XDH: variants seen among roughly 807,000 people sequenced by gnomAD.
The protein encoded by XDH is xanthine dehydrogenase.
XDH carries 138 observed loss-of-function variants against 156.1 expected under a neutral mutation model. The observed-to-expected ratio is 0.88, with a 90% CI of 0.77 to 1.02. The LOEUF (loss-of-function observed/expected upper bound fraction) is 1.02. Ranked by LOEUF, XDH falls within the 50% of genes least tolerant of loss-of-function variation. The pLI, the probability that XDH is intolerant of heterozygous loss-of-function variation, is 0.00. For synonymous variants in XDH, 669 were observed against 625.7 expected (o/e 1.07, Z -1.03); for missense variants, 1,849 against 1,684.9 (o/e 1.10, Z -1.71).
intron 24 of XDH, among the ~76,000 whole-genome samples, chr2:31,358,427 A>T (rs1685682966): frequency 6.6e-5 from 10 of 152,188 alleles, no homozygotes; most frequent in Admixed American, 6.5e-4. Context: ...TGTTATCCTG[A>T]CACCAAACCC....
At chr2:31,376,999 T>C (rs975910186) in intron 14 of XDH, 54 bp downstream of exon 14, 6 of 1,604,042 alleles carry the variant, frequency 3.7e-6, no homozygotes, top group African/African-American at 1.3e-5. Flanking sequence ...GTAACAATGA[T>C]ACTATTAGTA....
At chr2:31,354,531 G>C (rs1315171166) in intron 24 of XDH, among the ~76,000 whole-genome samples, 1 of 152,124 alleles carries the variant, frequency 6.6e-6, no homozygotes, top group Non-Finnish European at 1.5e-5. Context: ...GAACACACTT[G>C]ACAGAAATAA....
chr2:31,345,960 C>T (rs750037460), intron 30 of XDH, among the ~76,000 whole-genome samples: 12 of 152,130 alleles, frequency 7.9e-5, no homozygotes, highest in South Asian at 4.1e-4. Context: ...TATTGGTACA[C>T]GTGGTATGGA....
rs764285598 is a variant in XDH, at chr2:31,379,907, TCCGG to T, written c.1198_1201del (p.Pro400ArgfsTer7). On this transcript the variant is annotated frameshift_variant, in exon 13 of 36. Transcript: ENST00000379416. LOFTEE classifies it high-confidence loss of function. Reference sequence around the variant, plus strand: ...GATCTCTATGGAGAGCAGTATCTCCTCCGGGCTCAGCAGGGTCTTTCTGTAGCCA... The same window carrying T: ...GATCTCTATGGAGAGCAGTATCTCCTGCTCAGCAGGGTCTTTCTGTAGCCA... 1 of 1,614,180 alleles carries T rather than the reference TCCGG, an allele frequency of 6.2e-7. No homozygotes were observed.
chr2:31,376,455 CAGT>C (rs45582035), intron 14 of XDH, among the ~76,000 whole-genome samples: 2,433 of 148,930 alleles, frequency 0.016, 35 homozygotes, highest in Middle Eastern at 0.043. Flanking sequence ...GTAGCAGTAA[CAGT>C]AGTAGTAGTA....
At chr2:31,375,015 C>CT (rs1157014066) in intron 15 of XDH, among the ~76,000 whole-genome samples, 6 of 111,656 alleles carry the variant, frequency 5.4e-5, no homozygotes, top group African/African-American at 2.4e-4. Flanking sequence ...TTCTTTCTTT[C>CT]TTTCTTTCTT....
At chr2:31,385,057 T>A (rs1352573871) in intron 9 of XDH, among the ~76,000 whole-genome samples, 8 of 152,190 alleles carry the variant, frequency 5.3e-5, no homozygotes. Flanking sequence ...GGATGGCTCA[T>A]GGCAGGGAGC....
In XDH at chr2:31,373,994, T is replaced by C. The variant is rs772458401; in HGVS notation, c.1603-38A>G. On this transcript the variant is annotated intron_variant, in intron 15 of 35. Coordinates refer to ENST00000379416, the MANE Select transcript of XDH (RefSeq NM_000379.4). Reference sequence around the variant, plus strand: ...GAAAACAGAGGTGACCAGGATTATATTTCAATCACTGATTCCTTCCTTGCT... The same window carrying C: ...GAAAACAGAGGTGACCAGGATTATACTTCAATCACTGATTCCTTCCTTGCT... 3.8e-6 allele frequency: 6 copies of C among 1,585,456 alleles called. No homozygotes were observed. The South Asian group carries it at 6.7e-5, about 18-fold the overall frequency.
chr2:31,349,689 T>C lies in XDH; in HGVS notation c.2966A>G (p.Asn989Ser), dbSNP rs1327090912. ...GACTTCTACTCCTAGTGCTTACTTG[T>C]TGAACTTGTCAACCTCACTCTTCCG... is the stretch of plus-strand genomic sequence containing the variant. ...HARKSEVDKFNKENCWKKRGL... is the reference protein window; with the variant it reads ...HARKSEVDKFSKENCWKKRGL... Residue 989 changes from asparagine to serine, a missense_variant, in exon 26 of 36, where the codon AAC (asparagine) becomes AGC (serine). Physicochemically the swap from Asn to Ser is conservative, Grantham distance 46. Transcript: ENST00000379416. 2 of 1,614,052 alleles carry C rather than the reference T, an allele frequency of 1.2e-6. No individual in the cohort carries two copies. The highest frequency in any genetic ancestry group is 8.5e-7 in the Non-Finnish European group (1 of 1,180,038).
intron 19 of XDH, 95 bp downstream of exon 19, chr2:31,368,446 A>G: frequency 1.3e-6 from 2 of 1,514,456 alleles, no homozygotes; most frequent in Non-Finnish European, 1.8e-6. Context: ...TCAAATCCCT[A>G]CCTGCTGCTC....
chr2:31,411,727 A>G (rs745835488), intron 1 of XDH, among the ~76,000 whole-genome samples: 7 of 152,254 alleles, frequency 4.6e-5, no homozygotes, highest in Non-Finnish European at 7.3e-5. Flanking sequence ...AAGTGGTTTA[A>G]GAATATCCAA....
At chr2:31,344,416 C>T (rs1685224521) in intron 31 of XDH, among the ~76,000 whole-genome samples, 2 of 152,210 alleles carry the variant, frequency 1.3e-5, no homozygotes, top group Admixed American at 1.3e-4. Flanking sequence ...GGACCACTGA[C>T]TTCCTCTGGT....
chr2:31,398,535 G>A lies in XDH; in HGVS notation c.433+38C>T, dbSNP rs1045207772. ...CCCTGACCTCTGCAGGGCCTCGTTT[G>A]CCATTCCACCTCCTAGGCTGTGCCT... is the stretch of plus-strand genomic sequence containing the variant. On this transcript the variant is annotated intron_variant, in intron 5 of 35. Transcript: ENST00000379416. The A allele has an allele frequency of 4.3e-6, 7 of 1,612,808 alleles. No individual in the cohort carries two copies. The African/African-American group carries it at 5.3e-5, about 12-fold the overall frequency.
chr2:31,412,307 C>T (rs1199487620), intron 1 of XDH, among the ~76,000 whole-genome samples: 1 of 152,194 alleles, frequency 6.6e-6, no homozygotes, highest in African/African-American at 2.4e-5. Flanking sequence ...GCATCGAACA[C>T]CTTCTGCAGG....
intron 30 of XDH, among the ~76,000 whole-genome samples, chr2:31,345,961 G>A (rs1034501387): frequency 4.6e-5 from 7 of 152,206 alleles, no homozygotes; most frequent in Non-Finnish European, 7.3e-5. Context: ...ATTGGTACAC[G>A]TGGTATGGAG....
chr2:31,376,742 G>T (rs540419990), intron 14 of XDH, among the ~76,000 whole-genome samples: 1 of 148,946 alleles, frequency 6.7e-6, no homozygotes, highest in East Asian at 2.0e-4. Context: ...GAAGCAGCTG[G>T]AGTAGTAGCA....
intron 3 of XDH, among the ~76,000 whole-genome samples, chr2:31,402,504 G>A (rs1435182430): frequency 6.6e-6 from 1 of 152,204 alleles, no homozygotes; most frequent in Non-Finnish European, 1.5e-5. Context: ...ACCCAGTCTT[G>A]AGAGATCCAG....
rs150515123 is a variant in XDH, at chr2:31,383,806, C to T, written c.835G>A (p.Val279Ile). ...AGCTCAGGGATCCAGGCTGGGCAGA[C>T]AATCATAGGAAACAGCATATTCTTG... ...KFKNMLFPMI[V>I]CPAWIPELNS... The change falls in exon 10 of 36, where the codon GTC becomes ATC. Residue 279 changes from valine (V) to isoleucine (I), a missense_variant. By Grantham distance (29) the Val-to-Ile change is conservative. Transcript: ENST00000379416. 1.9e-6 allele frequency: 3 copies of T among 1,614,012 alleles called. No individual in the cohort carries two copies. The highest frequency in any genetic ancestry group is 2.2e-5 in the East Asian group (1 of 44,898).
chr2:31,335,229 A>G lies in XDH; in HGVS notation c.*729T>C, dbSNP rs1684942608. On this transcript the variant is annotated 3_prime_UTR_variant, in exon 36 of 36. Coordinates refer to ENST00000379416, the MANE Select transcript of XDH (RefSeq NM_000379.4). The stretch of plus-strand genomic sequence containing the variant: ...GCTTCAAATGTAAAGATTAAACATA[A>G]TCTTTTTTGTAAATACTCAAAGAGT... The G allele has an allele frequency of 6.6e-6, 1 of 151,602 alleles. No individual in the cohort carries two copies. Among genetic ancestry groups the G allele is most frequent in the African/African-American group, 2.4e-5 (1 of 41,296 alleles). The allele number at this position is 151,602 out of a possible 1,614,324, so 9.4% of individuals were successfully genotyped here.
Sources: gnomAD v4.1 joint callset for allele counts (sites outside exome capture counted in the v4.1 genomes callset) on GRCh38, gnomAD v4.1.1 for gene constraint, MANE v1.5 for transcripts, NCBI Gene and HGNC (gene_info 2026-07-23, HGNC 2026-07-21) for gene names.